ARHGAP31: variants seen among roughly 807,000 people sequenced by gnomAD.
The protein encoded by ARHGAP31 is Rho GTPase activating protein 31.
Under a neutral mutation model 113.9 loss-of-function variants are expected in ARHGAP31, and 34 were observed. The ratio of observed to expected loss-of-function variants is 0.30; its 90% CI spans 0.23 to 0.40. ARHGAP31 has a LOEUF of 0.40. Ranked by LOEUF, ARHGAP31 falls within the 10% of genes least tolerant of loss-of-function variation. The pLI, the probability that ARHGAP31 is intolerant of heterozygous loss-of-function variation, is 1.00. For missense variants in ARHGAP31, 1,548 were observed against 1,767.1 expected (o/e 0.88, Z 2.22); for synonymous variants, 650 against 684.8 (o/e 0.95, Z 0.79).
intron 1 of ARHGAP31, among the ~76,000 whole-genome samples, chr3:119,357,885 C>G (rs2080171790): frequency 6.6e-6 from 1 of 152,214 alleles, no homozygotes; most frequent in Non-Finnish European, 1.5e-5. Flanking sequence ...TAACATCACT[C>G]TTTATGCATG....
At chr3:119,413,046 G>A (rs2080730318) in intron 11 of ARHGAP31, among the ~76,000 whole-genome samples, 1 of 151,738 alleles carries the variant, frequency 6.6e-6, no homozygotes, top group Non-Finnish European at 1.5e-5. Flanking sequence ...GCCGGGCATG[G>A]TGGCTCACAC....
intron 1 of ARHGAP31, among the ~76,000 whole-genome samples, chr3:119,327,716 C>T (rs901062641): frequency 3.9e-5 from 6 of 152,116 alleles, no homozygotes; most frequent in African/African-American, 1.4e-4. Context: ...ACTCTCTGTC[C>T]CCTCCATTAA....
intron 3 of ARHGAP31, among the ~76,000 whole-genome samples, chr3:119,373,730 C>T (rs1267565320): frequency 2.6e-5 from 4 of 152,128 alleles, no homozygotes; most frequent in Non-Finnish European, 4.4e-5. Context: ...TCCCAAAGTG[C>T]TGGGATTACA....
At chr3:119,335,700 A>C (rs2079938920) in intron 1 of ARHGAP31, among the ~76,000 whole-genome samples, 1 of 152,198 alleles carries the variant, frequency 6.6e-6, no homozygotes, top group Non-Finnish European at 1.5e-5. Flanking sequence ...CTGCAAGGTA[A>C]GATAGCCTTG....
intron 1 of ARHGAP31, among the ~76,000 whole-genome samples, chr3:119,311,924 CCAGA>C (rs1211073260): frequency 6.6e-6 from 1 of 152,158 alleles, no homozygotes; most frequent in African/African-American, 2.4e-5. Flanking sequence ...GGAAGATATT[CCAGA>C]CAGAGGTAAC....
At chr3:119,393,077 T>G (rs2080519332) in intron 7 of ARHGAP31, among the ~76,000 whole-genome samples, 1 of 152,230 alleles carries the variant, frequency 6.6e-6, no homozygotes, top group African/African-American at 2.4e-5. Flanking sequence ...CCCCCATCTC[T>G]ATAAATGAAT....
At chr3:119,383,377 C>A in intron 6 of ARHGAP31, 151 bp downstream of exon 6, 1 of 1,030,452 alleles carries the variant, frequency 9.7e-7, no homozygotes, top group Non-Finnish European at 1.5e-6. Flanking sequence ...GTCTGAGGAT[C>A]GTGCATATAT....
At chr3:119,368,652 A>G in intron 3 of ARHGAP31, 136 bp downstream of exon 3, 1 of 1,169,174 alleles carries the variant, frequency 8.6e-7, no homozygotes, top group Non-Finnish European at 1.2e-6. Context: ...GAAGTAGGAT[A>G]ATATGGTAAG....
In ARHGAP31 at chr3:119,321,237, G is replaced by A. The variant is rs989866298; in HGVS notation, c.100+26233G>A. On this transcript the variant is annotated intron_variant, in intron 1 of 11. Coordinates refer to ENST00000264245, the MANE Select transcript of ARHGAP31 (RefSeq NM_020754.4). ...ATTTTATCATCTTTCACCCAGGCCC[G>A]GTGATTTCCTATTCAGCAGCAATTT... is the stretch of plus-strand genomic sequence containing the variant. Among the ~76,000 whole-genome samples the A allele has an allele frequency of 5.2e-5, 7 of 134,170 alleles. No individual in the cohort carries two copies. The East Asian group carries it at 8.8e-4, about 17-fold the overall frequency. The allele number at this position is 134,170 out of a possible 152,430, so 88.0% of individuals were successfully genotyped here. A position where few individuals can be genotyped will look rare whatever the true frequency, so the allele number is the denominator to read the frequency against.
Position 119,382,201 on chromosome 3 carries a change from T to C in ARHGAP31, c.432-91T>C. On this transcript the variant is annotated intron_variant, in intron 4 of 11. Coordinates refer to ENST00000264245, the MANE Select transcript of ARHGAP31 (RefSeq NM_020754.4). ...CATTAAAATAGAAATATTTAGAGTCTCTTAAATCCAAACTTAGAAATTATC... is the reference window on the plus strand; with the variant it reads ...CATTAAAATAGAAATATTTAGAGTCCCTTAAATCCAAACTTAGAAATTATC... 3.4e-6 allele frequency: 4 copies of C among 1,178,402 alleles called. No homozygotes were observed. The South Asian group carries it at 4.9e-5, about 14-fold the overall frequency. The allele number at this position is 1,178,402 out of a possible 1,614,324, so 73.0% of individuals were successfully genotyped here.
intron 2 of ARHGAP31, among the ~76,000 whole-genome samples, chr3:119,366,030 A>G (rs2080250188): frequency 6.6e-6 from 1 of 152,148 alleles, no homozygotes; most frequent in Non-Finnish European, 1.5e-5. Context: ...TTTCTATCAC[A>G]TTAAATAAAG....
rs1459474783 is a variant in ARHGAP31, at chr3:119,415,742, G to C, written c.3813G>C (p.Lys1271Asn). The stretch of plus-strand genomic sequence containing the variant: ...CAAAGCAAGATCCCGGAGCCATTAA[G>C]TCCTCACCAGTGGATGCCACTGCAC... ...EKPKQDPGAI[K>N]SSPVDATAPC... The change falls in exon 12 of 12, where the codon AAG (lysine) becomes AAC (asparagine). Residue 1271 changes from lysine to asparagine, a missense_variant. Transcript: ENST00000264245. 6.2e-7 allele frequency: 1 copy of C among 1,614,172 alleles called. No homozygotes were observed. Among genetic ancestry groups the C allele is most frequent in the East Asian group, 2.2e-5 (1 of 44,878 alleles).
intron 1 of ARHGAP31, among the ~76,000 whole-genome samples, chr3:119,325,130 CA>C (rs1426499574): frequency 6.6e-6 from 1 of 152,154 alleles, no homozygotes; most frequent in Non-Finnish European, 1.5e-5. Flanking sequence ...ACTAGTGATG[CA>C]GCAAGCTGTA....
chr3:119,336,769 C>A (rs2079953404), intron 1 of ARHGAP31, among the ~76,000 whole-genome samples: 1 of 152,114 alleles, frequency 6.6e-6, no homozygotes, highest in Non-Finnish European at 1.5e-5. Context: ...TTGCATCACC[C>A]TCAAAAGAAA....
chr3:119,413,867 T>C lies in ARHGAP31; in HGVS notation c.1938T>C (p.Asp646=), dbSNP rs1263223003. The stretch of plus-strand genomic sequence containing the variant: ...TTGATGTTTTTCAGGATGAAGATGA[T>C]CTGGCCAATGCCCTGATCTGGCCTG... The part of the protein sequence containing the change: ...AVLLHEMDED[D]LANALIWPEI... Residue 646 remains aspartate (D), a synonymous_variant, in exon 12 of 12, where the codon GAT becomes GAC. Coordinates refer to ENST00000264245, the MANE Select transcript of ARHGAP31 (RefSeq NM_020754.4). 1.2e-6 allele frequency: 2 copies of C among 1,614,098 alleles called. No homozygotes were observed.
chr3:119,296,613 C>G (rs1013595917), intron 1 of ARHGAP31, among the ~76,000 whole-genome samples: 1 of 152,154 alleles, frequency 6.6e-6, no homozygotes, highest in Admixed American at 6.5e-5. Context: ...GCTTGCCAGC[C>G]CTGTTCGTTC....
At chr3:119,359,105 A>T (rs1181078558) in intron 1 of ARHGAP31, among the ~76,000 whole-genome samples, 1 of 151,076 alleles carries the variant, frequency 6.6e-6, no homozygotes, top group African/African-American at 2.4e-5. Flanking sequence ...GCAACCTCTG[A>T]TTCCCAGGTT....
At chr3:119,343,854 G>A (rs1309351735) in intron 1 of ARHGAP31, among the ~76,000 whole-genome samples, 2 of 152,212 alleles carry the variant, frequency 1.3e-5, no homozygotes, top group Non-Finnish European at 2.9e-5. Flanking sequence ...GGGAAGTTTG[G>A]CTCCCTGACA....
chr3:119,406,578 T>C (rs1054981682), intron 10 of ARHGAP31, among the ~76,000 whole-genome samples: 1 of 152,342 alleles, frequency 6.6e-6, no homozygotes, highest in South Asian at 2.1e-4. Context: ...TTGTGAGCCT[T>C]GCACCACATT....
Sources: allele counts gnomAD v4.1 joint callset (sites outside exome capture counted in the v4.1 genomes callset), GRCh38; gene constraint gnomAD v4.1.1; transcripts MANE v1.5; gene names NCBI Gene and HGNC (gene_info 2026-07-23, HGNC 2026-07-21).